Variants in LAT observed in about 807,000 individuals in gnomAD.
LAT encodes the protein linker for activation of T cells.
In LAT, 12 loss-of-function variants were observed where a neutral mutation model predicts 39.1. That is an observed-to-expected ratio of 0.31 (90% CI 0.20 to 0.50). LAT has a LOEUF of 0.50. Among genes scored for constraint, LAT ranks in the 20% least tolerant of loss-of-function variants. The probability of loss-of-function intolerance (pLI) is 0.98; values close to 1 mark genes in which losing one functional copy is unlikely to be tolerated. For synonymous variants in LAT, 117 were observed against 123.8 expected, an observed-to-expected ratio of 0.95 and a Z score of 0.36; for missense variants, 253 against 308.0, an observed-to-expected ratio of 0.82 and a Z score of 1.34.
chr16:28,988,690 G>C (rs1965813746), intron 8 of LAT: 1 of 152,130 alleles, frequency 6.6e-6, no homozygotes, highest in Admixed American at 6.6e-5. Flanking sequence ...AGCCCTCTAG[G>C]TGACAGAGGG....
Position 28,985,726 on chromosome 16 carries a change from C to T in LAT, c.114C>T (p.Ser38=), listed in dbSNP as rs752067260. 6.2e-7 allele frequency: 1 copy of T among 1,614,024 alleles called. No homozygotes were observed. Among genetic ancestry groups the T allele is most frequent in the Admixed American group, 1.7e-5 (1 of 60,018 alleles). The change falls in exon 2 of 12, where the codon AGC becomes AGT. Residue 38 remains serine (S), a synonymous_variant. Transcript: ENST00000395456. This position sits in a 1 kb window ranked among gnomAD's most constrained non-coding sequence, Gnocchi z 4.6. ...TCTCTTTCCCAGGCTCCTACGACAG[C>T]ACATCCTCAGATAGGTGAGTCCGCC... ...HCHRLPGSYD[S]TSSDSLYPRG...
chr16:28,985,247 C>T lies in LAT; in HGVS notation c.-171C>T, dbSNP rs1965716188. The stretch of plus-strand genomic sequence containing the variant: ...GCCCAGTAAAAGAGGGGACCCATCC[C>T]GGGAGCCCCGGGGAGGGCACAGCTG... On this transcript the variant is annotated 5_prime_UTR_variant, in exon 1 of 12. Transcript: ENST00000395456. The surrounding 1 kb of genome is among the most constrained non-coding windows in gnomAD (Gnocchi z 4.6). 6 of 1,440,352 alleles carry T rather than the reference C, an allele frequency of 4.2e-6. No homozygotes were observed. The highest frequency in any genetic ancestry group is 2.9e-5 in the Admixed American group (1 of 35,006). 89.2% of individuals were successfully genotyped at this position (1,440,352 alleles called of 1,614,324 possible).
Position 28,985,538 on chromosome 16 carries a change from G to T in LAT, c.100+21G>T, listed in dbSNP as rs1446742269. On this transcript the variant is annotated intron_variant, in intron 1 of 11. Transcript: ENST00000395456. This position sits in a 1 kb window ranked among gnomAD's most constrained non-coding sequence, Gnocchi z 4.6. ...GCCAGGTGAGTGGGAAACTGGTGGG[G>T]GTACCCAGGGCCCAGGGACACCGAC... 2 of 1,611,302 alleles carry T rather than the reference G, an allele frequency of 1.2e-6. No individual in the cohort carries two copies. Among genetic ancestry groups the T allele is most frequent in the Admixed American group, 3.3e-5 (2 of 59,878 alleles).
In LAT at chr16:28,986,511, T is replaced by G; in HGVS notation, c.311-29T>G. Reference sequence around the variant, plus strand: ...GAAGATAGGCCTGGCCTGAGCTGACTTAGTCTCCCTCTCACCCTCTCTTTG... The same window carrying G: ...GAAGATAGGCCTGGCCTGAGCTGACGTAGTCTCCCTCTCACCCTCTCTTTG... On this transcript the variant is annotated intron_variant, in intron 5 of 11. Transcript: ENST00000395456. This position sits in a 1 kb window ranked among gnomAD's most constrained non-coding sequence, Gnocchi z 5.7. 1 of 1,610,352 alleles carries G rather than the reference T, an allele frequency of 6.2e-7. No individual in the cohort carries two copies. The highest frequency in any genetic ancestry group is 8.5e-7 in the Non-Finnish European group (1 of 1,177,098).
At position 28,985,197 on chromosome 16, in the gene LAT, C is replaced by G. The variant is rs1046748071; in HGVS notation, c.-221C>G. On this transcript the variant is annotated 5_prime_UTR_variant, in exon 1 of 12. Transcript: ENST00000395456. The surrounding 1 kb of genome is among the most constrained non-coding windows in gnomAD (Gnocchi z 4.6). ...TGACCACCCTGGGAGCAGGGACTTTCCACAGTCAGCTGGACGCACACTCAG... is the reference window on the plus strand; with the variant it reads ...TGACCACCCTGGGAGCAGGGACTTTGCACAGTCAGCTGGACGCACACTCAG... 2.5e-5 allele frequency: 36 copies of G among 1,429,930 alleles called. No individual in the cohort carries two copies. The highest frequency in any genetic ancestry group is 3.3e-5 in the Non-Finnish European group (36 of 1,096,434). 88.6% of individuals were successfully genotyped at this position (1,429,930 alleles called of 1,614,324 possible).
chr16:28,986,366 G>A lies in LAT; in HGVS notation c.246-16G>A. 1 of 1,613,456 alleles carries A rather than the reference G, an allele frequency of 6.2e-7. No individual in the cohort carries two copies. Among genetic ancestry groups the A allele is most frequent in the Non-Finnish European group, 8.5e-7 (1 of 1,180,002 alleles). On this transcript the variant is annotated splice_polypyrimidine_tract_variant and intron_variant, in intron 4 of 11. Transcript: ENST00000395456. The surrounding 1 kb of genome is among the most constrained non-coding windows in gnomAD (Gnocchi z 5.7). ...GAGCCCCACCTCAGGCATGACCCCT[G>A]ACCTTTGACTCCCAGAAGATCCCCG... is the stretch of plus-strand genomic sequence containing the variant.
Position 28,989,607 on chromosome 16 carries a change from G to C in LAT, c.556+18G>C. 6.2e-7 allele frequency: 1 copy of C among 1,604,298 alleles called. No individual in the cohort carries two copies. Among genetic ancestry groups the C allele is most frequent in the Non-Finnish European group, 8.5e-7 (1 of 1,174,740 alleles). ...GTCTCTGGGTGAGTGACCGGTGCTT[G>C]TCGGTGCCTGCCCCTGCACCCCGCT... is the stretch of plus-strand genomic sequence containing the variant. On this transcript the variant is annotated intron_variant, in intron 9 of 11. Coordinates refer to ENST00000395456, the MANE Select transcript of LAT (RefSeq NM_001014987.2).
rs56058140 is a variant in LAT, at chr16:28,986,800, G to A, written c.400G>A (p.Val134Met). ...EDDYHNPGYLVVLPDSTPATS... is the reference protein window; with the variant it reads ...EDDYHNPGYLMVLPDSTPATS... ...CCGGCCCTTTTCACTTCCTTTCAGGGTGGTGCTTCCTGACAGCACCCCGGC... is the reference window on the plus strand; with the variant it reads ...CCGGCCCTTTTCACTTCCTTTCAGGATGGTGCTTCCTGACAGCACCCCGGC... The change falls in exon 8 of 12, where the codon GTG becomes ATG. Residue 134 changes from valine to methionine, a missense_variant and splice_region_variant. Physicochemically the swap from Val to Met is conservative, Grantham distance 21. Transcript: ENST00000395456. The surrounding 1 kb of genome is among the most constrained non-coding windows in gnomAD (Gnocchi z 5.7). 6.8e-6 allele frequency: 11 copies of A among 1,613,668 alleles called. No homozygotes were observed. In the East Asian group the frequency reaches 8.9e-5, roughly 13 times the overall value.
rs1436465520 is a variant in LAT, at chr16:28,985,209, G to A, written c.-209G>A. The A allele has an allele frequency of 2.8e-6, 4 of 1,431,638 alleles. No individual in the cohort carries two copies. The highest frequency in any genetic ancestry group is 3.6e-6 in the Non-Finnish European group (4 of 1,097,454). 88.7% of individuals were successfully genotyped at this position (1,431,638 alleles called of 1,614,324 possible). ...GAGCAGGGACTTTCCACAGTCAGCT[G>A]GACGCACACTCAGCCCAGTAAAAGA... On this transcript the variant is annotated 5_prime_UTR_variant, in exon 1 of 12. Transcript: ENST00000395456. This position sits in a 1 kb window ranked among gnomAD's most constrained non-coding sequence, Gnocchi z 4.6.
At chr16:28,987,966 CCT>C (rs1965796262) in intron 8 of LAT, 1 of 151,926 alleles carries the variant, frequency 6.6e-6, no homozygotes, top group South Asian at 2.1e-4. Context: ...GTGGCACATG[CCT>C]GTAGTCCCAG....
chr16:28,989,595 T>G lies in LAT; in HGVS notation c.556+6T>G. 1 of 1,607,986 alleles carries G rather than the reference T, an allele frequency of 6.2e-7. No homozygotes were observed. The highest frequency in any genetic ancestry group is 8.5e-7 in the Non-Finnish European group (1 of 1,176,774). ...GAGCGCAGAAGCGTCTCTGGGTGAG[T>G]GACCGGTGCTTGTCGGTGCCTGCCC... On this transcript the variant is annotated splice_donor_region_variant and intron_variant, in intron 9 of 11. Coordinates refer to ENST00000395456, the MANE Select transcript of LAT (RefSeq NM_001014987.2).
rs1323870258 is a variant in LAT, at chr16:28,990,340, G to A, written c.*159G>A. On this transcript the variant is annotated 3_prime_UTR_variant, in exon 12 of 12. Transcript: ENST00000395456. ...CCCCGTAACTTATTATCACTTTGGG[G>A]TTCGGCCTGTGTCCCCCGAACGCTC... 1 of 548,690 alleles carries A rather than the reference G, an allele frequency of 1.8e-6. No homozygotes were observed. Among genetic ancestry groups the A allele is most frequent in the African/African-American group, 1.9e-5 (1 of 53,696 alleles). 34.0% of individuals were successfully genotyped at this position (548,690 alleles called of 1,614,324 possible). A position where few individuals can be genotyped will look rare whatever the true frequency, so the allele number is the denominator to read the frequency against.
Position 28,989,835 on chromosome 16 carries a change from G to T in LAT, c.618G>T (p.Glu206Asp). The change falls in exon 10 of 12, where the codon GAG (glutamate) becomes GAT (aspartate). Residue 206 changes from glutamate to aspartate, a missense_variant. Physicochemically the swap from Glu to Asp is conservative, Grantham distance 45. Transcript: ENST00000395456. ...TGCATCCTGGAGCGGCTAAGACTGA[G>T]CCTGGTGTGTTCTGCGGGAGGGGCA... ...QELHPGAAKT[E>D]PAALSSQEAE... 1 of 1,614,174 alleles carries T rather than the reference G, an allele frequency of 6.2e-7. No homozygotes were observed. The highest frequency in any genetic ancestry group is 8.5e-7 in the Non-Finnish European group (1 of 1,180,034).
rs1208321710 is a variant in LAT at position 28,989,832 on chromosome 16, T to C, written c.615T>C (p.Thr205=). ...AACTGCATCCTGGAGCGGCTAAGAC[T>C]GAGCCTGGTGTGTTCTGCGGGAGGG... ...SQELHPGAAK[T]EPAALSSQEA... is the part of the protein sequence containing the mutation. Residue 205 remains threonine, a synonymous_variant, in exon 10 of 12, where the codon ACT becomes ACC. Coordinates refer to ENST00000395456, the MANE Select transcript of LAT (RefSeq NM_001014987.2). 6 of 1,614,142 alleles carry C rather than the reference T, an allele frequency of 3.7e-6. No individual in the cohort carries two copies. The East Asian group carries it at 1.3e-4, about 36-fold the overall frequency.
Position 28,985,708 on chromosome 16 carries a change from C to T in LAT, c.101-5C>T. The T allele has an allele frequency of 1.2e-6, 2 of 1,613,852 alleles. No individual in the cohort carries two copies. The highest frequency in any genetic ancestry group is 1.7e-6 in the Non-Finnish European group (2 of 1,179,902). ...TTCCTGCCTCACCAGCCCTCTCTTT[C>T]CCAGGCTCCTACGACAGCACATCCT... is the stretch of plus-strand genomic sequence containing the variant. On this transcript the variant is annotated splice_polypyrimidine_tract_variant and splice_region_variant and intron_variant, in intron 1 of 11. Coordinates refer to ENST00000395456, the MANE Select transcript of LAT (RefSeq NM_001014987.2). The surrounding 1 kb of genome is among the most constrained non-coding windows in gnomAD (Gnocchi z 4.6).
At position 28,986,199 on chromosome 16, in the gene LAT, A is replaced by C; in HGVS notation, c.228A>C (p.Pro76=). ...PVTSYPPLSQ[P]DLLPIPRSPQ... Reference sequence around the variant, plus strand: ...CCTCCTACCCACCCCTGAGCCAGCCAGACCTGCTCCCCATCCCGTGAGTAG... The same window carrying C: ...CCTCCTACCCACCCCTGAGCCAGCCCGACCTGCTCCCCATCCCGTGAGTAG... The change falls in exon 4 of 12, where the codon CCA becomes CCC. Residue 76 remains proline (P), a synonymous_variant. Transcript: ENST00000395456. This position sits in a 1 kb window ranked among gnomAD's most constrained non-coding sequence, Gnocchi z 5.7. 6.2e-7 allele frequency: 1 copy of C among 1,600,164 alleles called. No individual in the cohort carries two copies. The highest frequency in any genetic ancestry group is 8.5e-7 in the Non-Finnish European group (1 of 1,172,614).
At position 28,990,622 on chromosome 16, in the gene LAT, G is replaced by A; in HGVS notation, c.*441G>A. On this transcript the variant is annotated 3_prime_UTR_variant, in exon 12 of 12. Coordinates refer to ENST00000395456, the MANE Select transcript of LAT (RefSeq NM_001014987.2). ...CTGACCTGGGCTGGCACTGCTGGGGGTGAGGACACATTGCCCCATGAGACA... is the reference window on the plus strand; with the variant it reads ...CTGACCTGGGCTGGCACTGCTGGGGATGAGGACACATTGCCCCATGAGACA... The A allele has an allele frequency of 4.7e-6, 1 of 214,782 alleles. No homozygotes were observed. The highest frequency in any genetic ancestry group is 6.4e-5 in the South Asian group (1 of 15,704). 13.3% of individuals were successfully genotyped at this position (214,782 alleles called of 1,614,324 possible).
Position 28,985,800 on chromosome 16 carries a change from G to A in LAT, c.129-54G>A, listed in dbSNP as rs1046630546. ...ACACCCCATGGCGGGGCAGGGCTGG[G>A]GCTTCCATCCTCCATCTTCCAGCCC... On this transcript the variant is annotated intron_variant, in intron 2 of 11. Coordinates refer to ENST00000395456, the MANE Select transcript of LAT (RefSeq NM_001014987.2). This position sits in a 1 kb window ranked among gnomAD's most constrained non-coding sequence, Gnocchi z 4.6. 4.0e-5 allele frequency: 65 copies of A among 1,613,804 alleles called. 1 individual carries two copies. In the South Asian group the frequency reaches 6.8e-4, roughly 17 times the overall value.
chr16:28,985,944 G>A lies in LAT; in HGVS notation c.163+56G>A. The A allele has an allele frequency of 1.9e-6, 3 of 1,585,466 alleles. No homozygotes were observed. The highest frequency in any genetic ancestry group is 1.7e-6 in the Non-Finnish European group (2 of 1,153,944). On this transcript the variant is annotated intron_variant, in intron 3 of 11. Transcript: ENST00000395456. The surrounding 1 kb of genome is among the most constrained non-coding windows in gnomAD (Gnocchi z 4.6). ...TGCCAGGGAGAGGGTCCCCTGGTGT[G>A]GGAGTGAGCGTGAACCTTCAGACTT...
Sources: gnomAD v4.1 joint callset for allele counts on GRCh38, gnomAD v4.1.1 for gene constraint, Gnocchi (gnomAD v3.1) non-coding constraint, MANE v1.5 for transcripts, NCBI Gene and HGNC (gene_info 2026-07-23, HGNC 2026-07-21) for gene names.